Variants in BRD10 observed in about 807,000 individuals in gnomAD.
BRD10 encodes bromodomain containing 10.
the BRD10 span, among the ~76,000 whole-genome samples, chr9:5,950,396 T>C: frequency 6.6e-6 from 1 of 152,180 alleles, no homozygotes; most frequent in Non-Finnish European, 1.5e-5. Context: ...AAGGTACTAT[T>C]ATTACCCCAC....
At chr9:6,004,756 A>C in the BRD10 span, among the ~76,000 whole-genome samples, 1 of 152,202 alleles carries the variant, frequency 6.6e-6, no homozygotes, top group Non-Finnish European at 1.5e-5. Context: ...ACTCTATAGA[A>C]TATTGTTTTG....
the BRD10 span, among the ~76,000 whole-genome samples, chr9:5,970,031 G>C: frequency 6.6e-6 from 1 of 152,114 alleles, no homozygotes; most frequent in South Asian, 2.1e-4. Flanking sequence ...AAGCACAGTA[G>C]AATTTGATTA....
the BRD10 span, among the ~76,000 whole-genome samples, chr9:5,905,572 T>A: frequency 3.4e-3 from 511 of 152,344 alleles, 3 homozygotes; most frequent in African/African-American, 0.011. Flanking sequence ...TAGCATCACA[T>A]GACAGATTGC....
the BRD10 span, among the ~76,000 whole-genome samples, chr9:5,880,863 C>A: frequency 1.3e-5 from 2 of 152,100 alleles, no homozygotes; most frequent in Non-Finnish European, 2.9e-5. Context: ...CGCCACCACG[C>A]CCAGCTAATT....
the BRD10 span, among the ~76,000 whole-genome samples, chr9:5,894,143 G>A: frequency 6.6e-6 from 1 of 152,136 alleles, no homozygotes; most frequent in Non-Finnish European, 1.5e-5. This position sits in a 1 kb window ranked among gnomAD's most constrained non-coding sequence, Gnocchi z 4.0. Flanking sequence ...GTATCTCTCA[G>A]TGTGAAGCTG....
chr9:5,998,566 C>T, the BRD10 span, among the ~76,000 whole-genome samples: 1 of 152,044 alleles, frequency 6.6e-6, no homozygotes, highest in African/African-American at 2.4e-5. Flanking sequence ...TGTTCATAAG[C>T]AACCAAGCAT....
chr9:5,995,986 G>A, the BRD10 span, among the ~76,000 whole-genome samples: 1 of 152,116 alleles, frequency 6.6e-6, no homozygotes, highest in Non-Finnish European at 1.5e-5. Flanking sequence ...AAACTGGGAA[G>A]GAGATTTGGG....
At chr9:5,988,661 C>G in the BRD10 span, 1 of 702,840 alleles carries the variant, frequency 1.4e-6, no homozygotes, top group South Asian at 1.8e-5. Context: ...TTAAACCTTA[C>G]TTACTTAGCT....
the BRD10 span, among the ~76,000 whole-genome samples, chr9:5,970,898 A>AAAAATT: frequency 6.6e-6 from 1 of 151,966 alleles, no homozygotes; most frequent in African/African-American, 2.4e-5. Flanking sequence ...TTAAAAACAC[A>AAAAATT]AAAATTAGCT....
the BRD10 span, among the ~76,000 whole-genome samples, chr9:5,986,161 C>G: frequency 6.6e-6 from 1 of 152,118 alleles, no homozygotes; most frequent in East Asian, 1.9e-4. Flanking sequence ...GTGTGTTGTT[C>G]CCCTCCCTGT....
the BRD10 span, among the ~76,000 whole-genome samples, chr9:5,908,115 C>T: frequency 6.6e-6 from 1 of 152,172 alleles, no homozygotes; most frequent in African/African-American, 2.4e-5. Context: ...GTTGTGTGAC[C>T]ATGGGCAAGC....
the BRD10 span, among the ~76,000 whole-genome samples, chr9:5,999,867 G>A: frequency 6.6e-6 from 1 of 151,990 alleles, no homozygotes; most frequent in Admixed American, 6.6e-5. Context: ...TAAAAATAAT[G>A]AACTGAACTT....
chr9:5,899,886 ACTAGAATT>A, the BRD10 span, among the ~76,000 whole-genome samples: 4 of 152,252 alleles, frequency 2.6e-5, no homozygotes, highest in South Asian at 6.2e-4. Context: ...TTGCTTGGAG[ACTAGAATT>A]CAACTTCTCC....
At chr9:5,936,160 A>C in the BRD10 span, among the ~76,000 whole-genome samples, 2 of 152,178 alleles carry the variant, frequency 1.3e-5, no homozygotes, top group Non-Finnish European at 2.9e-5. Context: ...GTTCGAGACT[A>C]GTCTGGGAAA....
the BRD10 span, among the ~76,000 whole-genome samples, chr9:6,005,371 C>T: frequency 1.1e-4 from 16 of 152,078 alleles, no homozygotes; most frequent in African/African-American, 3.9e-4. Flanking sequence ...ATTAGCCGGG[C>T]GCGGTGACAA....
the BRD10 span, among the ~76,000 whole-genome samples, chr9:5,966,939 GT>G: frequency 6.6e-6 from 1 of 152,038 alleles, no homozygotes; most frequent in Non-Finnish European, 1.5e-5. Context: ...AATTAAGCCT[GT>G]TTTTGGTAAT....
the BRD10 span, among the ~76,000 whole-genome samples, chr9:5,951,323 G>C: frequency 2.6e-5 from 1 of 37,936 alleles, no homozygotes; most frequent in Non-Finnish European, 1.2e-4. Context: ...AAACTCATTA[G>C]GACTTAAAAA....
At chr9:5,892,513 C>A in the BRD10 span, 4 of 1,613,820 alleles carry the variant, frequency 2.5e-6, no homozygotes, top group Non-Finnish European at 3.4e-6. Flanking sequence ...ATGGTTACCC[C>A]AAGAAGGGGC....
the BRD10 span, among the ~76,000 whole-genome samples, chr9:5,964,336 C>T: frequency 6.6e-6 from 1 of 151,652 alleles, no homozygotes; most frequent in South Asian, 2.1e-4. Context: ...CAGAGAAATG[C>T]AAATCAAAAC....
Sources: allele counts gnomAD v4.1 joint callset (sites outside exome capture counted in the v4.1 genomes callset), GRCh38; gene constraint gnomAD v4.1.1; non-coding constraint Gnocchi (gnomAD v3.1); transcripts MANE v1.5; gene names NCBI Gene and HGNC (gene_info 2026-07-23, HGNC 2026-07-21).